The following SORL1 variants were observed in gnomAD, a reference collection of about 807,000 sequenced individuals.
SORL1 encodes the protein sortilin-related receptor.
In SORL1, 127 loss-of-function variants were observed where a neutral mutation model predicts 273.7. The observed-to-expected ratio is 0.46, with a 90% CI of 0.40 to 0.54. SORL1 has a LOEUF of 0.54. Ranked by LOEUF, SORL1 falls within the 20% of genes least tolerant of loss-of-function variation. The pLI, the probability that SORL1 is intolerant of heterozygous loss-of-function variation, is 0.00. For missense variants in SORL1, 2,494 were observed against 2,846.1 expected, an observed-to-expected ratio of 0.88 and a Z score of 2.81; for synonymous variants, 1,031 against 1,067.4, an observed-to-expected ratio of 0.97 and a Z score of 0.66.
intron 25 of SORL1, among the ~76,000 whole-genome samples, chr11:121,581,590 C>G (rs531575233): frequency 1.3e-5 from 2 of 152,126 alleles, no homozygotes; most frequent in East Asian, 3.9e-4. Flanking sequence ...ACCGGGCACT[C>G]AAAATCAGAG....
intron 14 of SORL1, among the ~76,000 whole-genome samples, chr11:121,547,456 A>C (rs1447495994): frequency 3.5e-5 from 5 of 142,690 alleles, no homozygotes; most frequent in African/African-American, 5.2e-5. Flanking sequence ...TCACACACAC[A>C]AGAAAAGAAA....
At chr11:121,518,041 G>C (rs761977940) in intron 8 of SORL1, among the ~76,000 whole-genome samples, 5 of 152,240 alleles carry the variant, frequency 3.3e-5, no homozygotes, top group Admixed American at 1.3e-4. Context: ...GCCCTGGTGG[G>C]ATGTGCCAGG....
chr11:121,528,623 G>A (rs1054850267), intron 11 of SORL1, among the ~76,000 whole-genome samples: 6 of 151,936 alleles, frequency 3.9e-5, no homozygotes, highest in Non-Finnish European at 5.9e-5. Flanking sequence ...TTTTATCTTC[G>A]AATGATAAGT....
intron 45 of SORL1, among the ~76,000 whole-genome samples, chr11:121,624,269 C>T (rs939052335): frequency 1.3e-5 from 2 of 152,080 alleles, no homozygotes; most frequent in East Asian, 1.9e-4. Context: ...TGCAAGGGGG[C>T]CCAATATGTG....
rs553305304 is a variant in SORL1, at chr11:121,513,635, G to GAC, written c.1042-516_1042-515dup. Among the ~76,000 whole-genome samples, 146 of 152,302 alleles carry GAC rather than the reference G, an allele frequency of 9.6e-4. 1 individual carries two copies. Among genetic ancestry groups the GAC allele is most frequent in the African/African-American group, 3.2e-3 (135 of 41,580 alleles). On this transcript the variant is annotated intron_variant, in intron 7 of 47. Coordinates refer to ENST00000260197, the MANE Select transcript of SORL1 (RefSeq NM_003105.6). ...GTCATTAGAGGAGCTGCCACAGGGA[G>GAC]ACGGTCACAGTGAAACGTCTTGACA...
intron 1 of SORL1, among the ~76,000 whole-genome samples, chr11:121,466,364 CA>C (rs1198685753): frequency 6.6e-6 from 1 of 152,082 alleles, no homozygotes; most frequent in Admixed American, 6.5e-5. Flanking sequence ...AAGGGGAGAT[CA>C]GGGGGAGATC....
At chr11:121,580,860 C>G in intron 25 of SORL1, among the ~76,000 whole-genome samples, 1 of 151,712 alleles carries the variant, frequency 6.6e-6, no homozygotes, top group East Asian at 1.9e-4. Context: ...TTACCTTGTC[C>G]TCTCAAAGTG....
chr11:121,524,125 A>G (rs570880036), intron 11 of SORL1, among the ~76,000 whole-genome samples: 2 of 152,316 alleles, frequency 1.3e-5, no homozygotes, highest in South Asian at 4.1e-4. Context: ...CAGAGTGCAA[A>G]CAGTTTGAAT....
At chr11:121,479,561 T>C (rs1421668195) in intron 3 of SORL1, among the ~76,000 whole-genome samples, 8 of 152,186 alleles carry the variant, frequency 5.3e-5, no homozygotes, top group Admixed American at 4.6e-4. Flanking sequence ...TCAGAACAAA[T>C]CCTGTCTGGA....
chr11:121,591,571 C>T (rs1296052570), intron 31 of SORL1, among the ~76,000 whole-genome samples: 1 of 152,118 alleles, frequency 6.6e-6, no homozygotes, highest in Non-Finnish European at 1.5e-5. Context: ...CCGGCCTGTC[C>T]AACTAAAAGA....
intron 31 of SORL1, among the ~76,000 whole-genome samples, chr11:121,592,615 A>G (rs982969186): frequency 6.6e-6 from 1 of 152,228 alleles, no homozygotes. Flanking sequence ...ATGCGTGTTG[A>G]TCTTTGCTTC....
intron 11 of SORL1, among the ~76,000 whole-genome samples, chr11:121,527,677 T>C (rs1477385670): frequency 1.3e-5 from 2 of 152,162 alleles, no homozygotes; most frequent in African/African-American, 4.8e-5. Context: ...GCTATTCAGA[T>C]TTTCTTCTTT....
chr11:121,466,001 C>T (rs1452820373), intron 1 of SORL1, among the ~76,000 whole-genome samples: 1 of 152,136 alleles, frequency 6.6e-6, no homozygotes, highest in Non-Finnish European at 1.5e-5. Context: ...CTCTTAACGA[C>T]CTGCCAATGA....
At chr11:121,455,872 A>G (rs1384290577) in intron 1 of SORL1, among the ~76,000 whole-genome samples, 2 of 152,074 alleles carry the variant, frequency 1.3e-5, no homozygotes, top group Non-Finnish European at 2.9e-5. Flanking sequence ...AGATGCCTGT[A>G]GTCCTGGCTA....
intron 45 of SORL1, among the ~76,000 whole-genome samples, chr11:121,623,171 C>T (rs570887788): frequency 5.3e-5 from 8 of 152,286 alleles, no homozygotes; most frequent in South Asian, 4.1e-4. Flanking sequence ...TGTAACAAAG[C>T]GGAAAATTCC....
At chr11:121,597,498 C>T (rs1489649173) in intron 32 of SORL1, among the ~76,000 whole-genome samples, 2 of 150,576 alleles carry the variant, frequency 1.3e-5, no homozygotes, top group Non-Finnish European at 2.9e-5. Context: ...CGCTCTGTTG[C>T]CCAGGCTGGA....
intron 8 of SORL1, among the ~76,000 whole-genome samples, chr11:121,516,480 G>A (rs1310248657): frequency 6.6e-6 from 1 of 152,152 alleles, no homozygotes; most frequent in East Asian, 1.9e-4. Context: ...TCACCAGCTT[G>A]GTTTGGGACT....
intron 12 of SORL1, among the ~76,000 whole-genome samples, chr11:121,540,103 T>C (rs1259687266): frequency 1.3e-5 from 2 of 152,286 alleles, no homozygotes; most frequent in East Asian, 1.9e-4. Context: ...TTGCTCTTGG[T>C]TATATGACCT....
intron 12 of SORL1, 91 bp downstream of exon 12, chr11:121,532,643 ATGT>A (rs1247740935): frequency 1.9e-6 from 2 of 1,037,652 alleles, no homozygotes; most frequent in Non-Finnish European, 2.9e-6. Flanking sequence ...CTATAGCACT[ATGT>A]TGTTGACAGC....
Sources: gnomAD v4.1 joint callset for allele counts (sites outside exome capture counted in the v4.1 genomes callset) on GRCh38, gnomAD v4.1.1 for gene constraint, MANE v1.5 for transcripts, NCBI Gene and HGNC (gene_info 2026-07-23, HGNC 2026-07-21) for gene names.